CADM2: variants seen among roughly 807,000 people sequenced by gnomAD.
CADM2 encodes cell adhesion molecule 2.
A neutral mutation model predicts 49.8 loss-of-function variants in CADM2; 12 were observed. That is an observed-to-expected ratio of 0.24 (90% CI 0.15 to 0.39). The LOEUF (loss-of-function observed/expected upper bound fraction) is 0.39. CADM2 is among the 10% of genes least tolerant of loss of function. The pLI, the probability that CADM2 is intolerant of heterozygous loss-of-function variation, is 1.00. For missense variants in CADM2, 378 were observed against 492.3 expected (o/e 0.77, Z 2.20); for synonymous variants, 214 against 175.4 (o/e 1.22, Z -1.74).
At chr3:86,044,902 C>T (rs989153779) in intron 8 of CADM2, among the ~76,000 whole-genome samples, 7 of 152,024 alleles carry the variant, frequency 4.6e-5, no homozygotes, top group African/African-American at 1.7e-4. Flanking sequence ...AGTTCATGTC[C>T]TTTTTAGGGA....
At chr3:85,229,979 G>A (rs547332592) in intron 1 of CADM2, among the ~76,000 whole-genome samples, 1 of 152,274 alleles carries the variant, frequency 6.6e-6, no homozygotes, top group East Asian at 1.9e-4. Flanking sequence ...TTATTAAACT[G>A]ATGAGAAAGA....
At chr3:85,444,492 T>C (rs1158044587) in intron 1 of CADM2, among the ~76,000 whole-genome samples, 1 of 151,418 alleles carries the variant, frequency 6.6e-6, no homozygotes, top group Non-Finnish European at 1.5e-5. Flanking sequence ...CTTTCAACCT[T>C]ACTGTTCTCT....
chr3:84,982,551 A>G (rs557036852), intron 1 of CADM2, among the ~76,000 whole-genome samples: 187 of 151,572 alleles, frequency 1.2e-3, no homozygotes, highest in Admixed American at 2.2e-3. Flanking sequence ...TTTTAAAAAC[A>G]ATACTAGTCT....
chr3:85,459,224 G>A (rs2038128239), intron 1 of CADM2, among the ~76,000 whole-genome samples: 1 of 152,122 alleles, frequency 6.6e-6, no homozygotes. Flanking sequence ...CAAGATGGCT[G>A]CAGAAGCTCC....
rs113647798 is a variant in CADM2 at position 85,083,506 on chromosome 3, A to G, written c.61+123838A>G. On this transcript the variant is annotated intron_variant, in intron 1 of 9. Transcript: ENST00000383699. ...GTCTTTCACATACATGATCTTGAAT[A>G]TAAAGAGATCACAGCCTTAGGAGAG... Among the ~76,000 whole-genome samples the G allele has an allele frequency of 1.2e-4, 19 of 152,282 alleles. 1 individual carries two copies. Among genetic ancestry groups the G allele is most frequent in the African/African-American group, 4.3e-4 (18 of 41,582 alleles).
At chr3:85,172,928 T>C (rs1297430381) in intron 1 of CADM2, among the ~76,000 whole-genome samples, 1 of 128,714 alleles carries the variant, frequency 7.8e-6, no homozygotes, top group Non-Finnish European at 1.5e-5. Flanking sequence ...TAATAATATA[T>C]AATATATTAT....
intron 8 of CADM2, among the ~76,000 whole-genome samples, chr3:85,984,948 GA>G (rs950113951): frequency 1.3e-5 from 2 of 151,272 alleles, no homozygotes; most frequent in Non-Finnish European, 3.0e-5. Context: ...CGGCACACAG[GA>G]AAAAAAAGGA....
At chr3:85,653,790 A>C (rs1409107546) in intron 1 of CADM2, among the ~76,000 whole-genome samples, 1 of 152,172 alleles carries the variant, frequency 6.6e-6, no homozygotes, top group East Asian at 1.9e-4. Flanking sequence ...GAAACACCAC[A>C]ATTTTAGGAG....
Position 85,883,365 on chromosome 3 carries a change from C to A in CADM2, c.313C>A (p.Leu105Ile). 6.2e-7 allele frequency: 1 copy of A among 1,613,474 alleles called. No individual in the cohort carries two copies. The highest frequency in any genetic ancestry group is 8.5e-7 in the Non-Finnish European group (1 of 1,179,512). Reference sequence around the variant, plus strand: ...GAGTATTAGTGTCAGTGATGTGTCTCTCTCTGATGAAGGACAGTACACCTG... The same window carrying A: ...GAGTATTAGTGTCAGTGATGTGTCTATCTCTGATGAAGGACAGTACACCTG... ...ELSISVSDVS[L>I]SDEGQYTCSL... Residue 105 changes from leucine (L) to isoleucine (I), a missense_variant, in exon 4 of 10, where the codon CTC (leucine) becomes ATC (isoleucine). Transcript: ENST00000383699.
intron 1 of CADM2, among the ~76,000 whole-genome samples, chr3:85,212,835 T>TTTCTTTC (rs2041816107): frequency 3.7e-5 from 4 of 108,820 alleles, no homozygotes; most frequent in African/African-American, 1.7e-4. Context: ...TCTTTCTTTC[T>TTTCTTTC]TTCTTTCTTT....
At chr3:85,223,561 A>G (rs2042086325) in intron 1 of CADM2, among the ~76,000 whole-genome samples, 1 of 152,198 alleles carries the variant, frequency 6.6e-6, no homozygotes, top group African/African-American at 2.4e-5. Flanking sequence ...GTGTGTATTC[A>G]GAGAGGTAAA....
At chr3:85,340,181 G>A (rs372620986) in intron 1 of CADM2, among the ~76,000 whole-genome samples, 1 of 151,336 alleles carries the variant, frequency 6.6e-6, no homozygotes, top group Non-Finnish European at 1.5e-5. Flanking sequence ...ACTTAAAAAA[G>A]CATTTCCTAT....
At chr3:85,018,975 A>G (rs1382188010) in intron 1 of CADM2, among the ~76,000 whole-genome samples, 1 of 152,162 alleles carries the variant, frequency 6.6e-6, no homozygotes, top group Non-Finnish European at 1.5e-5. Flanking sequence ...AAGGAAATAA[A>G]CATTGGGAAG....
At chr3:85,079,393 C>G (rs1414557489) in intron 1 of CADM2, among the ~76,000 whole-genome samples, 1 of 151,676 alleles carries the variant, frequency 6.6e-6, no homozygotes, top group East Asian at 1.9e-4. Flanking sequence ...TAGGTATAAT[C>G]TATATTGACT....
At chr3:85,990,439 T>C (rs1313698550) in intron 8 of CADM2, among the ~76,000 whole-genome samples, 4 of 152,188 alleles carry the variant, frequency 2.6e-5, no homozygotes, top group African/African-American at 9.7e-5. Context: ...ACAATGGGAT[T>C]ATCTGGACAT....
chr3:85,375,269 G>A lies in CADM2; in HGVS notation c.62-351253G>A, dbSNP rs976714630. Among the ~76,000 whole-genome samples, 7 of 152,226 alleles carry A rather than the reference G, an allele frequency of 4.6e-5. No individual in the cohort carries two copies. In the South Asian group the frequency reaches 1.0e-3, roughly 23 times the overall value. ...TACCACTATATGATAATAGAGTTAG[G>A]CTTTGAAGCCAAATCTATTTGATTC... On this transcript the variant is annotated intron_variant, in intron 1 of 9. Coordinates refer to ENST00000383699, the MANE Select transcript of CADM2 (RefSeq NM_001167675.2).
intron 2 of CADM2, among the ~76,000 whole-genome samples, chr3:85,749,863 T>C (rs1340508959): frequency 6.6e-6 from 1 of 151,910 alleles, no homozygotes; most frequent in Non-Finnish European, 1.5e-5. Flanking sequence ...AGAATTTGGG[T>C]ATACAATTTA....
At chr3:85,493,103 G>A (rs897330203) in intron 1 of CADM2, among the ~76,000 whole-genome samples, 6 of 152,034 alleles carry the variant, frequency 3.9e-5, no homozygotes, top group Middle Eastern at 3.4e-3. Flanking sequence ...TTTTAAATTG[G>A]ATACGGCATA....
chr3:86,049,282 T>A (rs1043781815), intron 8 of CADM2, among the ~76,000 whole-genome samples: 6 of 136,756 alleles, frequency 4.4e-5, no homozygotes, highest in African/African-American at 8.8e-5. Context: ...TTATTTTTTA[T>A]TTTTTTTTTT....
Sources: allele counts gnomAD v4.1 joint callset (sites outside exome capture counted in the v4.1 genomes callset), GRCh38; gene constraint gnomAD v4.1.1; transcripts MANE v1.5; gene names NCBI Gene and HGNC (gene_info 2026-07-23, HGNC 2026-07-21).